The following CCDC178 variants were observed in gnomAD, a reference collection of about 807,000 sequenced individuals.
CCDC178 encodes the protein coiled-coil domain-containing protein 178.
A neutral mutation model predicts 117.4 loss-of-function variants in CCDC178; 126 were observed. That is an observed-to-expected ratio of 1.07 (90% CI 0.93 to 1.24). The LOEUF (loss-of-function observed/expected upper bound fraction) is 1.24, where lower values mean the gene tolerates loss of function less well. CCDC178 is among the 50% of genes most tolerant of loss of function. The probability of loss-of-function intolerance (pLI) is 0.00; values close to 1 mark genes in which losing one functional copy is unlikely to be tolerated. For missense variants in CCDC178, 1,030 were observed against 986.9 expected, an observed-to-expected ratio of 1.04 and a Z score of -0.59; for synonymous variants, 283 against 313.4, an observed-to-expected ratio of 0.90 and a Z score of 1.02.
chr18:33,136,926 T>A (rs1416606703), intron 20 of CCDC178, among the ~76,000 whole-genome samples: 2 of 152,310 alleles, frequency 1.3e-5, no homozygotes, highest in East Asian at 3.9e-4. Context: ...GGTGCCAAGC[T>A]ATCTCTTAGG....
chr18:33,020,299 T>C (rs1411222093), intron 21 of CCDC178, among the ~76,000 whole-genome samples: 1 of 151,978 alleles, frequency 6.6e-6, no homozygotes, highest in African/African-American at 2.4e-5. Context: ...TCCCTGAAAG[T>C]TGTGTTGTTC....
At chr18:33,316,553 AG>A (rs2062421369) in intron 11 of CCDC178, among the ~76,000 whole-genome samples, 1 of 152,030 alleles carries the variant, frequency 6.6e-6, no homozygotes, top group African/African-American at 2.4e-5. Flanking sequence ...GAGCAGGTGC[AG>A]GGCACTCCTG....
intron 14 of CCDC178, among the ~76,000 whole-genome samples, chr18:33,249,825 G>T (rs1183078444): frequency 2.0e-5 from 3 of 152,026 alleles, no homozygotes; most frequent in Non-Finnish European, 2.9e-5. Context: ...GTAGCTTGAT[G>T]GGGATGGCAT....
intron 9 of CCDC178, among the ~76,000 whole-genome samples, chr18:33,338,398 ACTAGGTAT>A (rs1397741196): frequency 6.6e-6 from 1 of 152,204 alleles, no homozygotes; most frequent in Non-Finnish European, 1.5e-5. Context: ...CAATCCCATT[ACTAGGTAT>A]CTACCCAGAG....
intron 7 of CCDC178, among the ~76,000 whole-genome samples, chr18:33,351,667 G>C (rs1204740443): frequency 6.6e-6 from 1 of 152,074 alleles, no homozygotes; most frequent in Non-Finnish European, 1.5e-5. Context: ...CTCAGTCTCT[G>C]GAGTAGCTAA....
intron 18 of CCDC178, among the ~76,000 whole-genome samples, chr18:33,217,796 G>A (rs1295618561): frequency 6.6e-6 from 1 of 151,962 alleles, no homozygotes; most frequent in East Asian, 1.9e-4. Context: ...AAACTTGGGT[G>A]ACATGACCAA....
At chr18:33,211,495 G>A (rs1020626242) in intron 20 of CCDC178, among the ~76,000 whole-genome samples, 3 of 151,640 alleles carry the variant, frequency 2.0e-5, no homozygotes, top group Non-Finnish European at 4.4e-5. Context: ...GGAGAAGAGC[G>A]TGACATATTT....
chr18:33,263,192 G>A (rs769012134), intron 14 of CCDC178, among the ~76,000 whole-genome samples: 1 of 152,204 alleles, frequency 6.6e-6, no homozygotes, highest in Non-Finnish European at 1.5e-5. Context: ...ACAAGCTCAT[G>A]TACTGCATAG....
intron 21 of CCDC178, among the ~76,000 whole-genome samples, chr18:33,071,756 T>C (rs971496593): frequency 6.6e-6 from 1 of 152,154 alleles, no homozygotes; most frequent in Non-Finnish European, 1.5e-5. Context: ...GAAATTTCAA[T>C]TTAAAGTTGC....
intron 20 of CCDC178, among the ~76,000 whole-genome samples, 187 bp downstream of exon 20, chr18:33,211,709 T>C (rs2059109506): frequency 6.6e-6 from 1 of 151,886 alleles, no homozygotes; most frequent in South Asian, 2.1e-4. Context: ...AAGTACAATA[T>C]GCTCTATGAA....
chr18:33,128,229 T>A (rs1430125663), intron 20 of CCDC178, among the ~76,000 whole-genome samples: 2 of 152,204 alleles, frequency 1.3e-5, no homozygotes, highest in African/African-American at 4.8e-5. Flanking sequence ...ATCCTTGGCA[T>A]CTGCACTGAG....
intron 21 of CCDC178, among the ~76,000 whole-genome samples, chr18:33,082,861 T>A (rs2057319321): frequency 6.6e-6 from 1 of 151,998 alleles, no homozygotes; most frequent in African/African-American, 2.4e-5. Flanking sequence ...GTGTTCTGAT[T>A]TCATATAATC....
intron 19 of CCDC178, among the ~76,000 whole-genome samples, chr18:33,213,420 C>G (rs1361211689): frequency 1.3e-5 from 2 of 151,804 alleles, no homozygotes; most frequent in Non-Finnish European, 2.9e-5. Context: ...AAAAACATTC[C>G]AAATTATTAA....
chr18:33,107,228 G>A (rs781254783), intron 20 of CCDC178, among the ~76,000 whole-genome samples: 7 of 151,560 alleles, frequency 4.6e-5, no homozygotes, highest in Non-Finnish European at 8.9e-5. Flanking sequence ...TTAGGTACTA[G>A]ACATATAAAA....
chr18:33,193,899 T>C (rs2058893339), intron 20 of CCDC178, among the ~76,000 whole-genome samples: 2 of 152,180 alleles, frequency 1.3e-5, no homozygotes, highest in African/African-American at 4.8e-5. Flanking sequence ...AAGTACAAGA[T>C]CAAGTCCTCC....
chr18:33,359,090 TTTGAAG>T (rs1408432089), intron 6 of CCDC178, among the ~76,000 whole-genome samples: 21 of 151,922 alleles, frequency 1.4e-4, no homozygotes, highest in African/African-American at 5.1e-4. Flanking sequence ...TAAGAAGCCA[TTTGAAG>T]TTGAAGTATC....
intron 20 of CCDC178, among the ~76,000 whole-genome samples, chr18:33,131,975 A>T (rs271577): frequency 0.16 from 24,333 of 151,146 alleles, 2,732 homozygotes; most frequent in African/African-American, 0.32. Flanking sequence ...AGTTATATTG[A>T]TTGTTTGTTT....
intron 20 of CCDC178, among the ~76,000 whole-genome samples, chr18:33,169,963 A>G (rs1023549501): frequency 1.3e-5 from 2 of 152,082 alleles, no homozygotes; most frequent in Non-Finnish European, 2.9e-5. Context: ...CTGCTGCCAC[A>G]TATACCAGCT....
intron 21 of CCDC178, among the ~76,000 whole-genome samples, chr18:32,989,080 T>C (rs990283289): frequency 6.6e-5 from 10 of 151,928 alleles, no homozygotes; most frequent in African/African-American, 1.9e-4. Context: ...TTTCAGAAAA[T>C]AGAAAAAGAG....
Sources: allele counts gnomAD v4.1 joint callset (sites outside exome capture counted in the v4.1 genomes callset), GRCh38; gene constraint gnomAD v4.1.1; transcripts MANE v1.5; gene names NCBI Gene and HGNC (gene_info 2026-07-23, HGNC 2026-07-21).